ZNF260: variants seen among roughly 807,000 people sequenced by gnomAD.
ZNF260 encodes the protein zinc finger protein 260, also known as zfp-260.
A neutral mutation model predicts 29.3 loss-of-function variants in ZNF260; 21 were observed. The observed-to-expected ratio is 0.72, with a 90% CI of 0.51 to 1.03. The LOEUF is 1.03. Among genes scored for constraint, ZNF260 ranks in the 50% least tolerant of loss-of-function variants. The pLI, the probability that ZNF260 is intolerant of heterozygous loss-of-function variation, is 0.00. For missense variants in ZNF260, 465 were observed against 487.8 expected (o/e 0.95, Z 0.44); for synonymous variants, 156 against 156.8 (o/e 0.99, Z 0.04).
rs1555779919 is a variant in ZNF260, at chr19:36,524,519, T to TTTTTTTTTTGTTTGTTTG, written c.-462+635_-462+636insCAAACAAACAAAAAAAAA. On this transcript the variant is annotated intron_variant, in intron 2 of 2. Transcript: ENST00000523638. Reference sequence around the variant, plus strand: ...TAAAGAAAATAACTTACATGCTAGTTTTTTTTTTTTTTTTTATTGATCATT... The same window carrying TTTTTTTTTTGTTTGTTTG: ...TAAAGAAAATAACTTACATGCTAGTTTTTTTTTTTGTTTGTTTGTTTTTTTTTTTTTTTATTGATCATT... Among the ~76,000 whole-genome samples, 89 of 102,584 alleles carry TTTTTTTTTTGTTTGTTTG rather than the reference T, an allele frequency of 8.7e-4. 2 individuals carry two copies. The highest frequency in any genetic ancestry group is 2.9e-3 in the African/African-American group (88 of 30,188). The allele number at this position is 102,584 out of a possible 152,430, so 67.3% of individuals were successfully genotyped here.
chr19:36,512,375 A>G lies in ZNF260; in HGVS notation c.*1625T>C, dbSNP rs1272674304. 1 of 152,224 alleles carries G rather than the reference A, an allele frequency of 6.6e-6. No homozygotes were observed. The highest frequency in any genetic ancestry group is 1.9e-4 in the East Asian group (1 of 5,204). The allele number at this position is 152,224 out of a possible 1,614,324, so 9.4% of individuals were successfully genotyped here. Reference sequence around the variant, plus strand: ...TAAGGAAATAAATAGCACGAATGATAGAATGAACACAAATATTACCACCAC... The same window carrying G: ...TAAGGAAATAAATAGCACGAATGATGGAATGAACACAAATATTACCACCAC... On this transcript the variant is annotated 3_prime_UTR_variant, in exon 3 of 3. Coordinates refer to ENST00000523638, the MANE Select transcript of ZNF260 (RefSeq NM_001166037.2).
chr19:36,520,211 A>G (rs8112648), intron 2 of ZNF260, among the ~76,000 whole-genome samples: 5,282 of 150,828 alleles, frequency 0.035, 306 homozygotes, highest in African/African-American at 0.12. Context: ...AAAAAAAAAA[A>G]AAAGAAAGAA....
Position 36,514,207 on chromosome 19 carries a change from G to C in ZNF260, c.1032C>G (p.Ser344Arg). 6.2e-7 allele frequency: 1 copy of C among 1,614,046 alleles called. No individual in the cohort carries two copies. Among genetic ancestry groups the C allele is most frequent in the Non-Finnish European group, 8.5e-7 (1 of 1,179,988 alleles). The stretch of plus-strand genomic sequence containing the variant: ...TTCTCATATGCACAGTAAGAGATGA[G>C]CTTTGACAGAAGGCTTTCCCACAGA... ...CKVCGKAFCQ[S>R]SSLTVHMRSH... Residue 344 changes from serine (S) to arginine (R), a missense_variant, in exon 3 of 3, where the codon AGC (serine) becomes AGG (arginine). Ser to Arg is a moderately radical substitution (Grantham distance 110, BLOSUM62 -1). Transcript: ENST00000523638.
chr19:36,515,163 G>T lies in ZNF260; in HGVS notation c.76C>A (p.Pro26Thr), dbSNP rs185835535. 4.5e-5 allele frequency: 72 copies of T among 1,613,130 alleles called. No individual in the cohort carries two copies. In the Middle Eastern group the frequency reaches 6.6e-4, roughly 15 times the overall value. The change falls in exon 3 of 3, where the codon CCT becomes ACT. Residue 26 changes from proline (P) to threonine (T), a missense_variant. Pro to Thr is a conservative substitution (Grantham distance 38). Coordinates refer to ENST00000523638, the MANE Select transcript of ZNF260 (RefSeq NM_001166037.2). ...QHDQIHTGEK[P>T]YECNECRKTF... ...TTTCTACATTCATTACATTCATAAG[G>T]TTTCTCTCCAGTATGAATTTGATCA... is the stretch of plus-strand genomic sequence containing the variant.
chr19:36,512,352 A>C lies in ZNF260; in HGVS notation c.*1648T>G, dbSNP rs1266958924. On this transcript the variant is annotated 3_prime_UTR_variant, in exon 3 of 3. Coordinates refer to ENST00000523638, the MANE Select transcript of ZNF260 (RefSeq NM_001166037.2). The stretch of plus-strand genomic sequence containing the variant: ...GGACTTTTTAACTTTCAGAAGTTTA[A>C]GGAAATAAATAGCACGAATGATAGA... 1 of 152,214 alleles carries C rather than the reference A, an allele frequency of 6.6e-6. No individual in the cohort carries two copies. The highest frequency in any genetic ancestry group is 1.9e-4 in the East Asian group (1 of 5,206). The allele number at this position is 152,214 out of a possible 1,614,324, so 9.4% of individuals were successfully genotyped here.
chr19:36,514,875 T>C lies in ZNF260; in HGVS notation c.364A>G (p.Thr122Ala), dbSNP rs762797042. Residue 122 changes from threonine to alanine, a missense_variant, in exon 3 of 3, where the codon ACC (threonine) becomes GCC (alanine). Transcript: ENST00000523638. The stretch of plus-strand genomic sequence containing the variant: ...TGATTTTTCTGGTGTCTGATGATGG[T>C]TGGCATCTGAATAGAAACTTTTTCA... ...ECEKVSIQMP[T>A]IIRHQKNHTG... The C allele has an allele frequency of 1.5e-5, 25 of 1,613,978 alleles. No homozygotes were observed. Among genetic ancestry groups the C allele is most frequent in the Middle Eastern group, 3.3e-4 (2 of 6,084 alleles).
chr19:36,528,270 C>T lies in ZNF260; in HGVS notation c.-732G>A, dbSNP rs183528883. On this transcript the variant is annotated 5_prime_UTR_variant, in exon 1 of 3. Coordinates refer to ENST00000523638, the MANE Select transcript of ZNF260 (RefSeq NM_001166037.2). ...TCGGAGATTCCGCGCCTGCGCACTC[C>T]TTCCGCGGGCAGCGCTCCCAGAGGT... 1,126 of 152,440 alleles carry T rather than the reference C, an allele frequency of 7.4e-3. 6 individuals carry two copies. The highest frequency in any genetic ancestry group is 0.012 in the Non-Finnish European group (802 of 68,136). 9.4% of individuals were successfully genotyped at this position (152,440 alleles called of 1,614,324 possible).
intron 2 of ZNF260, among the ~76,000 whole-genome samples, chr19:36,522,353 G>A (rs1457825480): frequency 6.6e-6 from 1 of 152,022 alleles, no homozygotes; most frequent in Non-Finnish European, 1.5e-5. Flanking sequence ...CTACACAGGA[G>A]GTGGAGGCAG....
At position 36,514,831 on chromosome 19, in the gene ZNF260, A is replaced by G. The variant is rs748460711; in HGVS notation, c.408T>C (p.Tyr136=). ...HQKNHTGTKP[Y]ACKECGKAFN... Reference sequence around the variant, plus strand: ...AGGCTTTGCCACATTCCTTACATGCATAGGGTTTGGTTCCTGTATGATTTT... The same window carrying G: ...AGGCTTTGCCACATTCCTTACATGCGTAGGGTTTGGTTCCTGTATGATTTT... Residue 136 remains tyrosine, a synonymous_variant, in exon 3 of 3, where the codon TAT becomes TAC. Coordinates refer to ENST00000523638, the MANE Select transcript of ZNF260 (RefSeq NM_001166037.2). The G allele has an allele frequency of 7.4e-6, 12 of 1,613,854 alleles. No individual in the cohort carries two copies. The highest frequency in any genetic ancestry group is 8.5e-6 in the Non-Finnish European group (10 of 1,180,020).
At position 36,516,624 on chromosome 19, in the gene ZNF260, G is replaced by T. The variant is rs529596410; in HGVS notation, c.-461-925C>A. Among the ~76,000 whole-genome samples the T allele has an allele frequency of 3.3e-5, 5 of 152,268 alleles. No individual in the cohort carries two copies. In the East Asian group the frequency reaches 9.7e-4, roughly 29 times the overall value. Reference sequence around the variant, plus strand: ...GTCGGAGTCTTGCTCTGTCGCCCAGGCTGGAGCGCAGTGGCATGATCTCGG... The same window carrying T: ...GTCGGAGTCTTGCTCTGTCGCCCAGTCTGGAGCGCAGTGGCATGATCTCGG... On this transcript the variant is annotated intron_variant, in intron 2 of 2. Transcript: ENST00000523638.
Position 36,513,952 on chromosome 19 carries a change from T to C in ZNF260, c.*48A>G. ...GAATTTTCCAATACACTATTAAGTG[T>C]AAAATCTGCTGAACGTTTTGCTAAA... On this transcript the variant is annotated 3_prime_UTR_variant, in exon 3 of 3. Transcript: ENST00000523638. 1.3e-6 allele frequency: 2 copies of C among 1,566,236 alleles called. No individual in the cohort carries two copies. The highest frequency in any genetic ancestry group is 1.7e-6 in the Non-Finnish European group (2 of 1,154,640).
At chr19:36,519,398 A>G (rs2034604468) in intron 2 of ZNF260, among the ~76,000 whole-genome samples, 1 of 152,236 alleles carries the variant, frequency 6.6e-6, no homozygotes, top group Admixed American at 6.5e-5. Context: ...CAGTGATCTT[A>G]CTAGTATCAG....
intron 2 of ZNF260, among the ~76,000 whole-genome samples, chr19:36,518,526 A>G (rs2034590012): frequency 6.6e-6 from 1 of 152,216 alleles, no homozygotes; most frequent in African/African-American, 2.4e-5. Context: ...AAAGTCTAGA[A>G]AATCTCCTAG....
chr19:36,520,526 T>G (rs560857825), intron 2 of ZNF260, among the ~76,000 whole-genome samples: 37 of 152,060 alleles, frequency 2.4e-4, no homozygotes, highest in South Asian at 6.2e-4. Flanking sequence ...GGGCTGGGTG[T>G]GGTGGCTCAC....
chr19:36,519,441 T>TG (rs977406151), intron 2 of ZNF260, among the ~76,000 whole-genome samples: 1 of 152,138 alleles, frequency 6.6e-6, no homozygotes, highest in African/African-American at 2.4e-5. Flanking sequence ...TATAACATAC[T>TG]GGGGGTAACA....
intron 2 of ZNF260, among the ~76,000 whole-genome samples, chr19:36,523,726 T>C (rs1271539117): frequency 6.6e-6 from 1 of 151,682 alleles, no homozygotes; most frequent in Non-Finnish European, 1.5e-5. Flanking sequence ...TACAGGCGTG[T>C]GCCACCTCGC....
intron 2 of ZNF260, among the ~76,000 whole-genome samples, chr19:36,516,075 T>G (rs529565641): frequency 7.9e-5 from 12 of 152,220 alleles, no homozygotes; most frequent in Non-Finnish European, 1.3e-4. Flanking sequence ...TTTCTCCATG[T>G]GGGCCAGGAT....
chr19:36,515,111 A>C lies in ZNF260; in HGVS notation c.128T>G (p.Val43Gly), dbSNP rs910916183. The part of the protein sequence containing the change: ...RKTFSLKQNL[V>G]EHKKMHTGEK... Reference sequence around the variant, plus strand: ...TCCAGTATGCATTTTCTTATGCTCTACAAGGTTTTGCTTCAGGCTAAAAGT... The same window carrying C: ...TCCAGTATGCATTTTCTTATGCTCTCCAAGGTTTTGCTTCAGGCTAAAAGT... The change falls in exon 3 of 3, where the codon GTA (valine) becomes GGA (glycine). Residue 43 changes from valine (V) to glycine (G), a missense_variant. By Grantham distance (109) the Val-to-Gly change is moderately radical. Transcript: ENST00000523638. The C allele has an allele frequency of 6.2e-7, 1 of 1,614,100 alleles. No homozygotes were observed. Among genetic ancestry groups the C allele is most frequent in the Non-Finnish European group, 8.5e-7 (1 of 1,180,014 alleles).
chr19:36,513,560 G>A lies in ZNF260; in HGVS notation c.*440C>T, dbSNP rs1264107180. The A allele has an allele frequency of 1.0e-5, 4 of 401,468 alleles. No homozygotes were observed. The highest frequency in any genetic ancestry group is 1.2e-4 in the South Asian group (1 of 8,092). 24.9% of individuals were successfully genotyped at this position (401,468 alleles called of 1,614,324 possible). ...CACACATTTCTGAATTCAATATTCT[G>A]TCTCAGTCTCAGTTTTATGACTGCT... On this transcript the variant is annotated 3_prime_UTR_variant, in exon 3 of 3. Coordinates refer to ENST00000523638, the MANE Select transcript of ZNF260 (RefSeq NM_001166037.2).
Sources: gnomAD v4.1 joint callset for allele counts (sites outside exome capture counted in the v4.1 genomes callset) on GRCh38, gnomAD v4.1.1 for gene constraint, MANE v1.5 for transcripts, NCBI Gene and HGNC (gene_info 2026-07-23, HGNC 2026-07-21) for gene names.